Variants in TDRD9 observed in about 807,000 individuals in gnomAD.
TDRD9 encodes ATP-dependent RNA helicase TDRD9.
A neutral mutation model predicts 172.6 loss-of-function variants in TDRD9; 124 were observed. That is an observed-to-expected ratio of 0.72 (90% confidence interval 0.62 to 0.83). TDRD9 has a LOEUF of 0.83. Among genes scored for constraint, TDRD9 ranks in the 40% least tolerant of loss-of-function variants. The pLI, the probability that TDRD9 is intolerant of heterozygous loss-of-function variation, is 0.00. For missense variants in TDRD9, 1,479 were observed against 1,714.1 expected (o/e 0.86, Z 2.42); for synonymous variants, 619 against 617.1 (o/e 1.00, Z -0.05).
At chr14:104,015,356 G>C (rs1334018739) in intron 21 of TDRD9, among the ~76,000 whole-genome samples, 3 of 152,178 alleles carry the variant, frequency 2.0e-5, no homozygotes. Context: ...AGAAGGGTTG[G>C]CTGATGCATA....
At chr14:103,987,581 A>G (rs73354467) in intron 8 of TDRD9, among the ~76,000 whole-genome samples, 1,593 of 152,214 alleles carry the variant, frequency 0.01, 37 homozygotes, top group African/African-American at 0.036. Flanking sequence ...CCTGTTACAC[A>G]TTTTGAATTT....
Position 104,032,013 on chromosome 14 carries a change from G to A in TDRD9, c.3439-4G>A, listed in dbSNP as rs1040840751. 10 of 1,541,398 alleles carry A rather than the reference G, an allele frequency of 6.5e-6. No individual in the cohort carries two copies. Among genetic ancestry groups the A allele is most frequent in the South Asian group, 1.2e-5 (1 of 80,928 alleles). On this transcript the variant is annotated splice_region_variant and splice_polypyrimidine_tract_variant and intron_variant, in intron 29 of 35. Coordinates refer to ENST00000409874, the MANE Select transcript of TDRD9 (RefSeq NM_153046.3). ...GTAACACTTCCTATATTTTGTGCAC[G>A]CAGGCAGAACTTCACGGGCCTTTTA...
intron 13 of TDRD9, among the ~76,000 whole-genome samples, chr14:103,999,404 T>C (rs1279952802): frequency 6.6e-6 from 1 of 152,218 alleles, no homozygotes; most frequent in Non-Finnish European, 1.5e-5. Context: ...CTAGGGTTAG[T>C]TTTCCTAAAG....
intron 2 of TDRD9, among the ~76,000 whole-genome samples, chr14:103,958,295 G>A (rs1464809330): frequency 9.9e-5 from 15 of 152,150 alleles, no homozygotes; most frequent in Admixed American, 5.9e-4. Flanking sequence ...GGCAGTGTGG[G>A]GGTGCAGGGA....
intron 2 of TDRD9, among the ~76,000 whole-genome samples, chr14:103,958,449 C>A (rs975456241): frequency 4.1e-4 from 63 of 152,252 alleles, no homozygotes; most frequent in African/African-American, 1.4e-3. Flanking sequence ...CTAAAGAGGT[C>A]CATGTTCTAA....
chr14:104,022,200 A>G lies in TDRD9; in HGVS notation c.2476A>G (p.Thr826Ala). Residue 826 changes from threonine (T) to alanine (A), a missense_variant, in exon 24 of 36, where the codon ACC (threonine) becomes GCC (alanine). Thr to Ala is a moderately conservative substitution (Grantham distance 58). Coordinates refer to ENST00000409874, the MANE Select transcript of TDRD9 (RefSeq NM_153046.3). Reference sequence around the variant, plus strand: ...ACGAAATCCAACAGAGAGATTTAAAACCCTTCCTGCAGTATATATGGCAAT... The same window carrying G: ...ACGAAATCCAACAGAGAGATTTAAAGCCCTTCCTGCAGTATATATGGCAAT... Reference protein sequence around the residue: ...FSRNPTERFKTLPAVYMAIKM... With the variant: ...FSRNPTERFKALPAVYMAIKM... The G allele has an allele frequency of 1.3e-6, 2 of 1,575,976 alleles. No homozygotes were observed. The highest frequency in any genetic ancestry group is 1.7e-6 in the Non-Finnish European group (2 of 1,160,546).
chr14:103,948,744 G>T (rs921761069), intron 1 of TDRD9, among the ~76,000 whole-genome samples: 1 of 152,108 alleles, frequency 6.6e-6, no homozygotes, highest in Non-Finnish European at 1.5e-5. Context: ...TATGGAGTGT[G>T]CCTGTAGTTC....
intron 1 of TDRD9, among the ~76,000 whole-genome samples, chr14:103,929,247 C>T (rs528979101): frequency 6.6e-6 from 1 of 152,242 alleles, no homozygotes; most frequent in African/African-American, 2.4e-5. Context: ...CTGTTCCTGC[C>T]TCCCTTTCCC....
rs1470661263 is a variant in TDRD9 at position 103,995,906 on chromosome 14, C to T, written c.1378+99C>T. On this transcript the variant is annotated intron_variant, in intron 12 of 35. Transcript: ENST00000409874. Reference sequence around the variant, plus strand: ...GAATTGTTCTTCTCTTCCTTCCCATCTCCTCCCGTTTTGGAACACAGAATT... The same window carrying T: ...GAATTGTTCTTCTCTTCCTTCCCATTTCCTCCCGTTTTGGAACACAGAATT... 36 of 1,107,188 alleles carry T rather than the reference C, an allele frequency of 3.3e-5. No individual in the cohort carries two copies. In the South Asian group the frequency reaches 5.1e-4, roughly 16 times the overall value. The allele number at this position is 1,107,188 out of a possible 1,614,324, so 68.6% of individuals were successfully genotyped here.
At chr14:104,026,987 C>CG in intron 28 of TDRD9, 48 bp downstream of exon 28, 1 of 1,588,590 alleles carries the variant, frequency 6.3e-7, no homozygotes. Context: ...TGAGAGAGAA[C>CG]GGGGCAGGCT....
chr14:104,049,541 A>C lies in TDRD9; in HGVS notation c.3975-67A>C. Reference sequence around the variant, plus strand: ...AAGCATATAGGATTTAAATCTTTAAAAAAATCACAGCAGTGTTTTCAGTTA... The same window carrying C: ...AAGCATATAGGATTTAAATCTTTAACAAAATCACAGCAGTGTTTTCAGTTA... On this transcript the variant is annotated intron_variant, in intron 34 of 35. Coordinates refer to ENST00000409874, the MANE Select transcript of TDRD9 (RefSeq NM_153046.3). 3.0e-6 allele frequency: 4 copies of C among 1,326,016 alleles called. No homozygotes were observed. The South Asian group carries it at 5.6e-5, about 19-fold the overall frequency. The allele number at this position is 1,326,016 out of a possible 1,614,324, so 82.1% of individuals were successfully genotyped here.
chr14:104,046,790 T>C (rs532530559), intron 34 of TDRD9, among the ~76,000 whole-genome samples: 8 of 151,878 alleles, frequency 5.3e-5, no homozygotes, highest in Non-Finnish European at 1.2e-4. Flanking sequence ...GGACTACAGG[T>C]GCCCGCCACC....
rs536961160 is a variant in TDRD9, at chr14:104,034,893, C to T, written c.3620-67C>T. The T allele has an allele frequency of 1.3e-3, 1,590 of 1,271,376 alleles. 1 individual carries two copies. Among genetic ancestry groups the T allele is most frequent in the Non-Finnish European group, 1.6e-3 (1,461 of 900,472 alleles). The allele number at this position is 1,271,376 out of a possible 1,614,324, so 78.8% of individuals were successfully genotyped here. On this transcript the variant is annotated intron_variant, in intron 31 of 35. Coordinates refer to ENST00000409874, the MANE Select transcript of TDRD9 (RefSeq NM_153046.3). ...TACCTGCAGATGAGTAGGAGCGGGCCGGGAGGGAACGCTGCCCTGAGCAGC... is the reference window on the plus strand; with the variant it reads ...TACCTGCAGATGAGTAGGAGCGGGCTGGGAGGGAACGCTGCCCTGAGCAGC...
At position 103,980,670 on chromosome 14, in the gene TDRD9, T is replaced by C. The variant is rs1267906463; in HGVS notation, c.1011+5117T>C. Among the ~76,000 whole-genome samples, 1 of 152,032 alleles carries C rather than the reference T, an allele frequency of 6.6e-6. No individual in the cohort carries two copies. Among genetic ancestry groups the C allele is most frequent in the Non-Finnish European group, 1.5e-5 (1 of 67,972 alleles). On this transcript the variant is annotated intron_variant, in intron 7 of 35. Coordinates refer to ENST00000409874, the MANE Select transcript of TDRD9 (RefSeq NM_153046.3). This position sits in a 1 kb window ranked among gnomAD's most constrained non-coding sequence, Gnocchi z 4.5. The stretch of plus-strand genomic sequence containing the variant: ...TGGAGGAGCAGAGTCTTCTCTAAAC[T>C]ACCCCAGGGAAAGGGAGACTCCCTT...
chr14:103,971,072 C>T (rs2033002791), intron 6 of TDRD9, among the ~76,000 whole-genome samples: 3 of 151,984 alleles, frequency 2.0e-5, no homozygotes, highest in Admixed American at 2.0e-4. Flanking sequence ...CAAGCTCCGC[C>T]TCCTGGGTTC....
intron 6 of TDRD9, among the ~76,000 whole-genome samples, chr14:103,972,029 T>G (rs2033055487): frequency 6.6e-6 from 1 of 151,972 alleles, no homozygotes. Flanking sequence ...TAGTGGTGTG[T>G]GTCTGTGGTC....
intron 11 of TDRD9, among the ~76,000 whole-genome samples, chr14:103,995,267 G>A (rs377309411): frequency 2.0e-5 from 3 of 152,322 alleles, no homozygotes; most frequent in East Asian, 3.9e-4. Context: ...GATTATGTGT[G>A]AATGATGGAG....
intron 30 of TDRD9, among the ~76,000 whole-genome samples, chr14:104,033,594 C>A (rs1449370925): frequency 2.6e-5 from 4 of 152,132 alleles, no homozygotes; most frequent in Admixed American, 6.6e-5. Context: ...GGACCACACT[C>A]AGTTCCCTCT....
intron 33 of TDRD9, among the ~76,000 whole-genome samples, chr14:104,040,622 C>T (rs940290440): frequency 6.6e-6 from 1 of 152,226 alleles, no homozygotes; most frequent in African/African-American, 2.4e-5. Context: ...AGCTAAACCA[C>T]GGGGCTGTAG....
Sources: allele counts gnomAD v4.1 joint callset (sites outside exome capture counted in the v4.1 genomes callset), GRCh38; gene constraint gnomAD v4.1.1; non-coding constraint Gnocchi (gnomAD v3.1); transcripts MANE v1.5; gene names NCBI Gene and HGNC (gene_info 2026-07-23, HGNC 2026-07-21).